ZFX: variants seen among roughly 807,000 people sequenced by gnomAD.
ZFX encodes zinc finger X-chromosomal protein.
For missense variants in ZFX, 362 were observed against 628.3 expected, an observed-to-expected ratio of 0.58 and a Z score of 4.53; for synonymous variants, 196 against 226.8, an observed-to-expected ratio of 0.86 and a Z score of 1.22.
chrX:24,187,075 G>A (rs190483550), intron 5 of ZFX, among the ~76,000 whole-genome samples: 33 of 111,569 alleles, frequency 3.0e-4, no homozygotes, highest in Non-Finnish European at 1.1e-4. Flanking sequence ...TCTATGTGCC[G>A]GAATTGAAAA....
At chrX:24,197,199 G>T (rs1022353438) in intron 5 of ZFX, among the ~76,000 whole-genome samples, 1 of 111,694 alleles carries the variant, frequency 9.0e-6, no homozygotes, top group Non-Finnish European at 1.9e-5. Context: ...GCCAGGTGTG[G>T]TGGCTTGTAC....
At chrX:24,161,947 G>A (rs1361574115) in intron 3 of ZFX, 1 of 108,176 alleles carries the variant, frequency 9.2e-6, no homozygotes, top group Non-Finnish European at 1.9e-5. Flanking sequence ...TGATCTACCT[G>A]CCTCAGCCTT....
intron 5 of ZFX, among the ~76,000 whole-genome samples, chrX:24,198,483 G>GTTT (rs5901749): frequency 3.4e-5 from 3 of 87,345 alleles, no homozygotes; most frequent in Admixed American, 2.5e-4. Context: ...ACCTGGCTTT[G>GTTT]TTTTTTTTTT....
intron 5 of ZFX, among the ~76,000 whole-genome samples, chrX:24,206,459 C>T (rs755474676): frequency 1.8e-5 from 2 of 108,797 alleles, no homozygotes; most frequent in African/African-American, 6.7e-5. Context: ...ACCTCAGCCT[C>T]CTGAGTAGCT....
At chrX:24,166,962 G>A (rs1934060882) in intron 3 of ZFX, among the ~76,000 whole-genome samples, 1 of 112,005 alleles carries the variant, frequency 8.9e-6, no homozygotes, top group African/African-American at 3.2e-5. Flanking sequence ...AAGCAGGGAG[G>A]CACTTGGAGA....
At chrX:24,163,239 GTACA>G (rs1286124586) in intron 3 of ZFX, among the ~76,000 whole-genome samples, 2 of 77,575 alleles carry the variant, frequency 2.6e-5, no homozygotes, top group African/African-American at 1.0e-4. Flanking sequence ...GTGTGTGTGT[GTACA>G]TGTACATGGA....
In ZFX at chrX:24,179,891, TG is replaced by T. The variant is rs776026585; in HGVS notation, c.646+122del. 134 of 647,092 alleles carry T rather than the reference TG, an allele frequency of 2.1e-4. No individual in the cohort carries two copies. In the African/African-American group the frequency reaches 2.8e-3, roughly 13 times the overall value. 53.3% of individuals were successfully genotyped at this position (647,092 alleles called of 1,213,427 possible). A position where few individuals can be genotyped will look rare whatever the true frequency, so the allele number is the denominator to read the frequency against. ...TAAAAGTAAATCTCATAGACCTACC[TG>T]CATTGTTGTTTCCATTTGCAGCCTA... On this transcript the variant is annotated intron_variant, in intron 5 of 9. Transcript: ENST00000304543.
intron 3 of ZFX, among the ~76,000 whole-genome samples, chrX:24,168,580 T>C (rs1301319566): frequency 9.0e-6 from 1 of 110,612 alleles, no homozygotes; most frequent in Non-Finnish European, 1.9e-5. Context: ...ATGATATTGC[T>C]TTAAAGAATG....
intron 3 of ZFX, among the ~76,000 whole-genome samples, chrX:24,156,693 C>T (rs1387962840): frequency 3.9e-5 from 3 of 77,663 alleles, no homozygotes; most frequent in Non-Finnish European, 6.6e-5. Flanking sequence ...TTTGCTCTGT[C>T]GCCCAGGCTG....
At chrX:24,186,237 T>C (rs1936102421) in intron 5 of ZFX, among the ~76,000 whole-genome samples, 3 of 111,508 alleles carry the variant, frequency 2.7e-5, no homozygotes, top group African/African-American at 9.8e-5. Context: ...AGTAAGTTAC[T>C]GGATCTGAGT....
At position 24,212,883 on chromosome X, in the gene ZFX, T is replaced by G. The variant is rs936109975; in HGVS notation, c.*1507T>G. 2 of 106,032 alleles carry G rather than the reference T, an allele frequency of 1.9e-5. No homozygotes were observed. Among genetic ancestry groups the G allele is most frequent in the Admixed American group, 2.1e-4 (2 of 9,710 alleles). 8.7% of individuals were successfully genotyped at this position (106,032 alleles called of 1,213,427 possible). Reference sequence around the variant, plus strand: ...CTAAGTCTTCCACAGGTTTTTTGTTTGTTTGTTTTTTTTTGTTGTTTTTTT... The same window carrying G: ...CTAAGTCTTCCACAGGTTTTTTGTTGGTTTGTTTTTTTTTGTTGTTTTTTT... On this transcript the variant is annotated 3_prime_UTR_variant, in exon 10 of 10. Coordinates refer to ENST00000304543, the MANE Select transcript of ZFX (RefSeq NM_003410.4).
chrX:24,159,163 T>A (rs1456327384), intron 3 of ZFX, among the ~76,000 whole-genome samples: 1 of 110,888 alleles, frequency 9.0e-6, no homozygotes, highest in Non-Finnish European at 1.9e-5. Context: ...CCTGATTTTT[T>A]AATTTTTTTG....
chrX:24,153,415 G>A (rs991816927), intron 3 of ZFX, among the ~76,000 whole-genome samples: 1 of 111,650 alleles, frequency 9.0e-6, no homozygotes, highest in Admixed American at 9.5e-5. Context: ...GCTGCTCTGA[G>A]CCTGCTCTTC....
chrX:24,179,861 G>A (rs754496714), intron 5 of ZFX, 91 bp downstream of exon 5: 20 of 803,533 alleles, frequency 2.5e-5, no homozygotes, highest in Non-Finnish European at 3.2e-5. Context: ...TGACTTAAAT[G>A]TCTGTAAAAG....
At chrX:24,150,071 C>G (rs1179669986) in intron 1 of ZFX, 1 of 104,932 alleles carries the variant, frequency 9.5e-6, no homozygotes, top group Non-Finnish European at 2.0e-5. Flanking sequence ...GCTCCGCGGC[C>G]GACCTGGGGC....
chrX:24,177,131 A>G (rs992253967), intron 4 of ZFX, among the ~76,000 whole-genome samples: 2 of 111,069 alleles, frequency 1.8e-5, no homozygotes, highest in Non-Finnish European at 3.8e-5. Flanking sequence ...ACAGGGTTTC[A>G]CAGTGTTAGG....
chrX:24,165,380 A>G (rs1174539175), intron 3 of ZFX, among the ~76,000 whole-genome samples: 4 of 112,511 alleles, frequency 3.6e-5, no homozygotes, highest in Non-Finnish European at 7.5e-5. Flanking sequence ...CGGCCTCCCA[A>G]AGTGCTGGGA....
chrX:24,177,716 A>G, intron 4 of ZFX: 1 of 753,853 alleles, frequency 1.3e-6, no homozygotes, highest in Non-Finnish European at 1.6e-6. Flanking sequence ...TTCTATAGCC[A>G]TAGATGGAGC....
At chrX:24,191,969 G>C (rs1475994847) in intron 5 of ZFX, among the ~76,000 whole-genome samples, 3 of 111,627 alleles carry the variant, frequency 2.7e-5, no homozygotes, top group Non-Finnish European at 3.8e-5. Context: ...CAAAGTGTTG[G>C]GATTACAGGT....
Sources: allele counts gnomAD v4.1 joint callset (sites outside exome capture counted in the v4.1 genomes callset), GRCh38; gene constraint gnomAD v4.1.1; transcripts MANE v1.5; gene names NCBI Gene and HGNC (gene_info 2026-07-23, HGNC 2026-07-21).